The following CIITA variants were observed in gnomAD, a reference collection of about 807,000 sequenced individuals.
CIITA encodes class II major histocompatibility complex transactivator, also known as MHC class II transactivator.
A neutral mutation model predicts 115.1 loss-of-function variants in CIITA; 72 were observed. That is an observed-to-expected ratio of 0.63 (90% CI 0.52 to 0.76). The LOEUF (loss-of-function observed/expected upper bound fraction) is 0.76, where lower values mean the gene tolerates loss of function less well. CIITA is among the 30% of genes least tolerant of loss of function. The probability of loss-of-function intolerance (pLI) is 0.00; values close to 1 mark genes in which losing one functional copy is unlikely to be tolerated. For missense variants in CIITA, 1,617 were observed against 1,463.8 expected (o/e 1.10, Z -1.71); for synonymous variants, 763 against 635.6 (o/e 1.20, Z -3.02).
intron 1 of CIITA, among the ~76,000 whole-genome samples, chr16:10,869,580 A>T (rs913188001): frequency 1.3e-5 from 2 of 149,906 alleles, no homozygotes; most frequent in African/African-American, 5.0e-5. Flanking sequence ...TGCAGTGGTG[A>T]GATCTCAGCT....
intron 9 of CIITA, among the ~76,000 whole-genome samples, 197 bp downstream of exon 9, chr16:10,904,092 C>T (rs905305859): frequency 5.3e-5 from 8 of 152,210 alleles, no homozygotes; most frequent in Non-Finnish European, 8.8e-5. Context: ...GAATCCACAT[C>T]CCATCCAAAT....
chr16:10,919,500 C>A (rs1596606053), intron 16 of CIITA, among the ~76,000 whole-genome samples: 1 of 120,512 alleles, frequency 8.3e-6, no homozygotes, highest in South Asian at 3.1e-4. Context: ...CATGCCCGGC[C>A]AACTTATTTA....
Position 10,929,318 on chromosome 16 carries a change from G to A in CIITA, c.*5463G>A. The A allele has an allele frequency of 1.0e-6, 1 of 985,954 alleles. No homozygotes were observed. Among genetic ancestry groups the A allele is most frequent in the Non-Finnish European group, 1.2e-6 (1 of 829,962 alleles). The allele number at this position is 985,954 out of a possible 1,614,324, so 61.1% of individuals were successfully genotyped here. Reference sequence around the variant, plus strand: ...CAGGTGCGCTCCGGGATGAAGTGCAGGGAGGCAAACTCTGGCTGGGTTCCT... The same window carrying A: ...CAGGTGCGCTCCGGGATGAAGTGCAAGGAGGCAAACTCTGGCTGGGTTCCT... On this transcript the variant is annotated 3_prime_UTR_variant, in exon 20 of 20. Coordinates refer to ENST00000324288, the MANE Select transcript of CIITA (RefSeq NM_000246.4). This position sits in a 1 kb window ranked among gnomAD's most constrained non-coding sequence, Gnocchi z 4.3.
Position 10,879,852 on chromosome 16 carries a change from A to C in CIITA, c.52+2470A>C, listed in dbSNP as rs1160234025. Among the ~76,000 whole-genome samples the C allele has an allele frequency of 6.6e-6, 1 of 152,108 alleles. No individual in the cohort carries two copies. ...TGCTTAGCTTAGTCTGGAACTCTTA[A>C]AAGCCGCGGTCCTCCTGAGTCCCAC... On this transcript the variant is annotated intron_variant, in intron 1 of 19. Coordinates refer to ENST00000324288, the MANE Select transcript of CIITA (RefSeq NM_000246.4). The surrounding 1 kb of genome is among the most constrained non-coding windows in gnomAD (Gnocchi z 4.3).
intron 12 of CIITA, 116 bp downstream of exon 12, chr16:10,909,303 A>G (rs1189684005): frequency 1.8e-6 from 2 of 1,089,148 alleles, no homozygotes; most frequent in Admixed American, 1.9e-5. Context: ...GGGACACCCC[A>G]TGCCCTCTTT....
Position 10,918,513 on chromosome 16 carries a change from C to T in CIITA, c.3136C>T (p.Leu1046=). 1 of 1,614,150 alleles carries T rather than the reference C, an allele frequency of 6.2e-7. No homozygotes were observed. Residue 1046 remains leucine, a synonymous_variant, in exon 16 of 20, where the codon CTG becomes TTG. Transcript: ENST00000324288. The stretch of plus-strand genomic sequence containing the variant: ...GGCCCTGCCTTCGCTCGCTGCATCC[C>T]TGCTCAGGCTAAGGTGAGTGGGGCC... The part of the protein sequence containing the change: ...AEALPSLAAS[L]LRLSLYNNCI...
At position 10,898,662 on chromosome 16, in the gene CIITA, C is replaced by A; in HGVS notation, c.296-8C>A. Reference sequence around the variant, plus strand: ...GTTGATTGACTGCGCTTTTCCTTGTCTGGGCAGCGGAACTGGACCAGTATG... The same window carrying A: ...GTTGATTGACTGCGCTTTTCCTTGTATGGGCAGCGGAACTGGACCAGTATG... On this transcript the variant is annotated splice_polypyrimidine_tract_variant and splice_region_variant and intron_variant, in intron 3 of 19. Transcript: ENST00000324288. The A allele has an allele frequency of 6.2e-7, 1 of 1,607,272 alleles. No homozygotes were observed. The highest frequency in any genetic ancestry group is 8.5e-7 in the Non-Finnish European group (1 of 1,177,104).
At chr16:10,892,198 C>T (rs527430105) in intron 1 of CIITA, among the ~76,000 whole-genome samples, 1 of 152,104 alleles carries the variant, frequency 6.6e-6, no homozygotes, top group Non-Finnish European at 1.5e-5. Flanking sequence ...GTGGCGGGTG[C>T]CTGTAATGCC....
In CIITA at chr16:10,906,785, G is replaced by A. The variant is rs1322292483; in HGVS notation, c.1293G>A (p.Gly431=). Residue 431 remains glycine (G), a synonymous_variant, in exon 11 of 20, where the codon GGG becomes GGA. Transcript: ENST00000324288. ...GTCAGGGCAAGAGCTATTGGGCTGGGGCAGTGAGCCGGGCCTGGGCTTGTG... is the reference window on the plus strand; with the variant it reads ...GTCAGGGCAAGAGCTATTGGGCTGGAGCAGTGAGCCGGGCCTGGGCTTGTG... ...KAGQGKSYWA[G]AVSRAWACGR... is the part of the protein sequence containing the mutation. 3 of 1,611,862 alleles carry A rather than the reference G, an allele frequency of 1.9e-6. No individual in the cohort carries two copies. The highest frequency in any genetic ancestry group is 2.2e-5 in the East Asian group (1 of 44,876).
chr16:10,868,550 C>A (rs1401768010), intron 1 of CIITA, among the ~76,000 whole-genome samples: 1 of 152,206 alleles, frequency 6.6e-6, no homozygotes, highest in East Asian at 1.9e-4. Context: ...AAAGGGGCAT[C>A]TTTACCACCC....
chr16:10,926,043 C>T lies in CIITA; in HGVS notation c.*2188C>T, dbSNP rs2040519445. On this transcript the variant is annotated 3_prime_UTR_variant, in exon 20 of 20. Transcript: ENST00000324288. ...TCGGGCATAGTCTGCTCAGAAGCCC[C>T]AATTCAAGACATCTTAGCTTACTCC... 6.6e-6 allele frequency: 1 copy of T among 152,216 alleles called. No individual in the cohort carries two copies. Among genetic ancestry groups the T allele is most frequent in the South Asian group, 2.1e-4 (1 of 4,826 alleles). 9.4% of individuals were successfully genotyped at this position (152,216 alleles called of 1,614,324 possible).
chr16:10,874,248 T>G (rs764167521), upstream of CIITA, among the ~76,000 whole-genome samples: 8 of 152,084 alleles, frequency 5.3e-5, no homozygotes, highest in Non-Finnish European at 1.2e-4. Context: ...TCTCCTAAAG[T>G]GTTGAGATTA....
At chr16:10,884,636 G>T (rs1009783890) in intron 1 of CIITA, among the ~76,000 whole-genome samples, 2 of 152,068 alleles carry the variant, frequency 1.3e-5, no homozygotes, top group African/African-American at 4.8e-5. Flanking sequence ...GCCCAGGCTG[G>T]TCTCAAACTC....
rs1326924316 is a variant in CIITA at position 10,931,881 on chromosome 16, A to C, written c.*8026A>C. 2 of 152,196 alleles carry C rather than the reference A, an allele frequency of 1.3e-5. No individual in the cohort carries two copies. Among genetic ancestry groups the C allele is most frequent in the Non-Finnish European group, 2.9e-5 (2 of 68,052 alleles). 9.4% of individuals were successfully genotyped at this position (152,196 alleles called of 1,614,324 possible). On this transcript the variant is annotated 3_prime_UTR_variant, in exon 20 of 20. Transcript: ENST00000324288. ...ACTATAGCCTAGGTGACAGAGTGAG[A>C]CTCTGTCTCAAAAAAACACAAAAGT...
intron 1 of CIITA, among the ~76,000 whole-genome samples, chr16:10,883,169 C>G (rs2036597954): frequency 6.6e-6 from 1 of 152,046 alleles, no homozygotes; most frequent in African/African-American, 2.4e-5. Context: ...GAGTGTGGGG[C>G]CTGGCTTTGC....
At chr16:10,886,179 C>G (rs1020443229) in intron 1 of CIITA, among the ~76,000 whole-genome samples, 1 of 151,742 alleles carries the variant, frequency 6.6e-6, no homozygotes, top group Non-Finnish European at 1.5e-5. Flanking sequence ...CTCAGGTGAT[C>G]CACCCGCCTC....
At chr16:10,881,374 A>T (rs1453872290) in intron 1 of CIITA, among the ~76,000 whole-genome samples, 1 of 152,178 alleles carries the variant, frequency 6.6e-6, no homozygotes, top group Non-Finnish European at 1.5e-5. Context: ...CAAGACACAC[A>T]CAGTCAAAAG....
chr16:10,936,526 C>T (rs953791337), downstream of CIITA: 1 of 152,202 alleles, frequency 6.6e-6, no homozygotes, highest in Non-Finnish European at 1.5e-5. Context: ...CTAACTGGTG[C>T]AACTGGTGAG....
chr16:10,916,673 G>C (rs1279170643), intron 15 of CIITA: 2 of 586,144 alleles, frequency 3.4e-6, no homozygotes, highest in Non-Finnish European at 6.2e-6. Context: ...TTATAGGTGT[G>C]ACTTACCATG....
Sources: gnomAD v4.1 joint callset for allele counts (sites outside exome capture counted in the v4.1 genomes callset) on GRCh38, gnomAD v4.1.1 for gene constraint, Gnocchi (gnomAD v3.1) non-coding constraint, MANE v1.5 for transcripts, NCBI Gene and HGNC (gene_info 2026-07-23, HGNC 2026-07-21) for gene names.